The following NWD1 variants were observed in gnomAD, a reference collection of about 807,000 sequenced individuals.
NWD1 encodes NACHT domain- and WD repeat-containing protein 1.
Under a neutral mutation model 135.1 loss-of-function variants are expected in NWD1, and 129 were observed. The observed-to-expected ratio is 0.96, with a 90% CI of 0.83 to 1.11. The LOEUF (loss-of-function observed/expected upper bound fraction) is 1.11. Ranked by LOEUF, NWD1 falls within the 50% of genes least tolerant of loss-of-function variation. The pLI, the probability that NWD1 is intolerant of heterozygous loss-of-function variation, is 0.00. For synonymous variants in NWD1, 773 were observed against 786.0 expected, an observed-to-expected ratio of 0.98 and a Z score of 0.28; for missense variants, 1,740 against 1,851.3, an observed-to-expected ratio of 0.94 and a Z score of 1.10.
At chr19:16,765,989 C>T (rs535749720) in intron 10 of NWD1, among the ~76,000 whole-genome samples, 2 of 146,282 alleles carry the variant, frequency 1.4e-5, no homozygotes, top group Admixed American at 1.4e-4. Flanking sequence ...TGCACTCCAG[C>T]CTGGGCAACA....
intron 4 of NWD1, among the ~76,000 whole-genome samples, chr19:16,742,011 A>G (rs1468561713): frequency 6.6e-6 from 1 of 151,730 alleles, no homozygotes; most frequent in African/African-American, 2.4e-5. Flanking sequence ...CTGGGGAGGT[A>G]GAGGTTGCAG....
intron 3 of NWD1, among the ~76,000 whole-genome samples, chr19:16,734,032 C>T (rs1013830634): frequency 6.6e-6 from 1 of 152,078 alleles, no homozygotes; most frequent in African/African-American, 2.4e-5. Flanking sequence ...CCCAGCCTTC[C>T]ACAGGGTCAG....
At chr19:16,787,876 CAATAATAATAATAAT>C (rs534816872) in intron 12 of NWD1, among the ~76,000 whole-genome samples, 41 of 119,492 alleles carry the variant, frequency 3.4e-4, no homozygotes, top group Middle Eastern at 4.5e-3. Flanking sequence ...GTAATAATAA[CAATAATAATAATAAT>C]AATAATAATA....
Position 16,815,398 on chromosome 19 carries a change from A to G in NWD1, c.*359A>G. On this transcript the variant is annotated 3_prime_UTR_variant, in exon 19 of 19. Transcript: ENST00000524140. ...TGAGTTAGCCCCATTTAATCTAGTT[A>G]AAGCAAAAAGAATACGTTTGCTGGT... 1 of 635,516 alleles carries G rather than the reference A, an allele frequency of 1.6e-6. No individual in the cohort carries two copies. Among genetic ancestry groups the G allele is most frequent in the Non-Finnish European group, 2.8e-6 (1 of 355,050 alleles). The allele number at this position is 635,516 out of a possible 1,614,324, so 39.4% of individuals were successfully genotyped here.
chr19:16,797,138 C>T (rs1970441272), intron 15 of NWD1, among the ~76,000 whole-genome samples: 1 of 151,294 alleles, frequency 6.6e-6, no homozygotes, highest in Non-Finnish European at 1.5e-5. Flanking sequence ...CAAGATCATG[C>T]CACTGCACTC....
chr19:16,770,228 C>A (rs924275792), intron 10 of NWD1, among the ~76,000 whole-genome samples: 2 of 152,170 alleles, frequency 1.3e-5, no homozygotes, highest in African/African-American at 4.8e-5. Context: ...TGGAGATAAT[C>A]GAATCATGGA....
At chr19:16,805,311 G>A (rs1970717347) in intron 17 of NWD1, among the ~76,000 whole-genome samples, 1 of 151,770 alleles carries the variant, frequency 6.6e-6, no homozygotes, top group South Asian at 2.1e-4. Flanking sequence ...CACCTGCCTC[G>A]GCCTCCCAAA....
chr19:16,773,876 C>G (rs1969500644), intron 11 of NWD1, among the ~76,000 whole-genome samples: 1 of 151,950 alleles, frequency 6.6e-6, no homozygotes, highest in African/African-American at 2.4e-5. Flanking sequence ...ACCTCCCACC[C>G]TTCCATTCAT....
chr19:16,800,060 C>G lies in NWD1; in HGVS notation c.3634C>G (p.Leu1212Val), dbSNP rs138347233. ...TAGGTCCCGGGTGCCTGCACCATTT[C>G]TGGACCGCACCGGCCTCACCGCAGT... ...AHRSRVPAPF[L>V]DRTGLTAVSH... The change falls in exon 17 of 19, where the codon CTG becomes GTG. Residue 1212 changes from leucine (L) to valine (V), a missense_variant. Physicochemically the swap from Leu to Val is conservative, Grantham distance 32. Coordinates refer to ENST00000524140, the MANE Select transcript of NWD1 (RefSeq NM_001007525.5). 2,553 of 1,614,202 alleles carry G rather than the reference C, an allele frequency of 1.6e-3. 37 individuals are homozygous for G. In the African/African-American group the frequency reaches 0.03, roughly 19 times the overall value.
Position 16,808,015 on chromosome 19 carries a change from G to A in NWD1, c.4166G>A (p.Ser1389Asn). ...SKAFPLETHRSRVACVEVSHK... is the reference protein window; with the variant it reads ...SKAFPLETHRNRVACVEVSHK... ...GCGTTTCCCTTGGAGACCCACAGGA[G>A]CCGAGTTGCCTGTGTGGAGGTCAGC... The change falls in exon 18 of 19, where the codon AGC (serine) becomes AAC (asparagine). Residue 1389 changes from serine (S) to asparagine (N), a missense_variant. Coordinates refer to ENST00000524140, the MANE Select transcript of NWD1 (RefSeq NM_001007525.5). 1 of 1,614,134 alleles carries A rather than the reference G, an allele frequency of 6.2e-7. No individual in the cohort carries two copies. The highest frequency in any genetic ancestry group is 8.5e-7 in the Non-Finnish European group (1 of 1,179,994).
chr19:16,804,209 C>A (rs968096310), intron 17 of NWD1, among the ~76,000 whole-genome samples: 1 of 152,062 alleles, frequency 6.6e-6, no homozygotes, highest in Non-Finnish European at 1.5e-5. Context: ...CATGGGGAGC[C>A]CTGGAAGAGG....
At position 16,779,472 on chromosome 19, in the gene NWD1, CTT is replaced by C; in HGVS notation, c.2731+8_2731+9del. ...ATGCTAACTGGACACACAGGTGAGA[CTT>C]GGGAAGTGGGCTTTGTGGTCAGCTT... On this transcript the variant is annotated splice_region_variant and intron_variant, in intron 12 of 18. Coordinates refer to ENST00000524140, the MANE Select transcript of NWD1 (RefSeq NM_001007525.5). 6.2e-7 allele frequency: 1 copy of C among 1,612,212 alleles called. No individual in the cohort carries two copies. The highest frequency in any genetic ancestry group is 8.5e-7 in the Non-Finnish European group (1 of 1,179,802).
chr19:16,751,539 G>A (rs373482038), intron 6 of NWD1, among the ~76,000 whole-genome samples: 15 of 151,018 alleles, frequency 9.9e-5, no homozygotes, highest in Admixed American at 6.6e-4. Flanking sequence ...GGTGGCTTAC[G>A]CTTTTAATCG....
chr19:16,766,386 A>G (rs558339368), intron 10 of NWD1, among the ~76,000 whole-genome samples: 3 of 152,136 alleles, frequency 2.0e-5, no homozygotes, highest in Non-Finnish European at 2.9e-5. Flanking sequence ...TGGGTGACAG[A>G]GCGAGACCCT....
chr19:16,752,083 T>A (rs1968604202), intron 6 of NWD1, among the ~76,000 whole-genome samples: 1 of 152,238 alleles, frequency 6.6e-6, no homozygotes. Flanking sequence ...CTCCTCTGAG[T>A]TTGTCCTCTG....
chr19:16,812,734 G>A, intron 18 of NWD1: 1 of 780,988 alleles, frequency 1.3e-6, no homozygotes. Context: ...CATATTGTCT[G>A]TTTTCAACAG....
intron 18 of NWD1, among the ~76,000 whole-genome samples, chr19:16,809,732 T>A (rs921730981): frequency 2.0e-5 from 3 of 151,734 alleles, no homozygotes; most frequent in African/African-American, 7.3e-5. Flanking sequence ...TTTTTTTGTA[T>A]TTTTTTGGTA....
At chr19:16,788,186 C>A (rs116294530) in intron 12 of NWD1, among the ~76,000 whole-genome samples, 72 of 145,560 alleles carry the variant, frequency 4.9e-4, no homozygotes, top group Non-Finnish European at 7.5e-4. Flanking sequence ...GCCAGGGCCA[C>A]GCCACTGCAC....
chr19:16,801,848 GGTGA>G (rs1970610781), intron 17 of NWD1: 1 of 152,222 alleles, frequency 6.6e-6, no homozygotes, highest in Non-Finnish European at 1.5e-5. Flanking sequence ...CAGTGGTGGT[GGTGA>G]GTAAGTTCTA....
Sources: allele counts gnomAD v4.1 joint callset (sites outside exome capture counted in the v4.1 genomes callset), GRCh38; gene constraint gnomAD v4.1.1; transcripts MANE v1.5; gene names NCBI Gene and HGNC (gene_info 2026-07-23, HGNC 2026-07-21).